IFT80: variants seen among roughly 807,000 people sequenced by gnomAD.
IFT80 encodes the protein intraflagellar transport 80.
A neutral mutation model predicts 107.9 loss-of-function variants in IFT80; 79 were observed. The observed-to-expected ratio is 0.73, with a 90% confidence interval of 0.61 to 0.88. The LOEUF is 0.88. Ranked by LOEUF, IFT80 falls within the 40% of genes least tolerant of loss-of-function variation. The pLI is 0.00. For missense variants in IFT80, 797 were observed against 914.2 expected (o/e 0.87, Z 1.65); for synonymous variants, 299 against 300.9 (o/e 0.99, Z 0.07).
chr3:160,373,768 G>T (rs908280711), intron 5 of IFT80: 1 of 152,740 alleles, frequency 6.5e-6, no homozygotes, highest in Non-Finnish European at 1.5e-5. Context: ...TCACAATAGG[G>T]TTTATGCTTC....
At chr3:160,262,419 CA>C (rs1019986001) in intron 19 of IFT80, among the ~76,000 whole-genome samples, 9 of 152,062 alleles carry the variant, frequency 5.9e-5, no homozygotes, top group South Asian at 2.1e-4. Context: ...TGTGGTGGCC[CA>C]AACATGGCTC....
Position 160,377,509 on chromosome 3 carries a change from T to A in IFT80, c.291A>T (p.Arg97Ser). ...GKFHLISKLG[R>S]VEKSVEAHCG... ...AGTGAGCTTCTACACTTTTTTCCAC[T>A]CTTCCTAACTTGGAAATCAGATGAA... is the stretch of plus-strand genomic sequence containing the variant. The change falls in exon 4 of 20, where the codon AGA becomes AGT. Residue 97 changes from arginine to serine, a missense_variant. Arg to Ser is a moderately radical substitution (Grantham distance 110). Coordinates refer to ENST00000326448, the MANE Select transcript of IFT80 (RefSeq NM_020800.3). The A allele has an allele frequency of 1.9e-6, 3 of 1,606,024 alleles. No homozygotes were observed. The highest frequency in any genetic ancestry group is 2.6e-6 in the Non-Finnish European group (3 of 1,174,966).
At chr3:160,324,256 G>T (rs2108305882) in intron 8 of IFT80, among the ~76,000 whole-genome samples, 1 of 152,192 alleles carries the variant, frequency 6.6e-6, no homozygotes, top group South Asian at 2.1e-4. Flanking sequence ...AGAAAAAGAG[G>T]GAATCCTTCC....
chr3:160,271,401 C>T (rs570723215), intron 18 of IFT80, among the ~76,000 whole-genome samples: 5 of 152,140 alleles, frequency 3.3e-5, no homozygotes, highest in South Asian at 2.1e-4. Context: ...TTGAATGAAG[C>T]GAAATCACTT....
At position 160,366,092 on chromosome 3, in the gene IFT80, C is replaced by T; in HGVS notation, c.500G>A (p.Gly167Asp). Residue 167 changes from glycine to aspartate, a missense_variant, in exon 6 of 20, where the codon GGC becomes GAC. Gly to Asp is a moderately conservative substitution (Grantham distance 94, BLOSUM62 -1). Transcript: ENST00000326448. The stretch of plus-strand genomic sequence containing the variant: ...AAGAGGTTTAATGATTAGCTGCTTG[C>T]CTGCTGTATAAAGAACCTTTTCTGA... ...PDSEKVLYTA[G>D]KQLIIKPLQP... 2 of 1,612,748 alleles carry T rather than the reference C, an allele frequency of 1.2e-6. No homozygotes were observed. The highest frequency in any genetic ancestry group is 1.7e-6 in the Non-Finnish European group (2 of 1,179,148).
intron 9 of IFT80, among the ~76,000 whole-genome samples, chr3:160,316,343 T>C (rs867853557): frequency 1.3e-5 from 2 of 152,170 alleles, no homozygotes; most frequent in Admixed American, 6.6e-5. Flanking sequence ...CTTTCCCCAG[T>C]TGAGCCTTCA....
At chr3:160,304,488 T>C (rs1576779769) in intron 10 of IFT80, among the ~76,000 whole-genome samples, 1 of 147,764 alleles carries the variant, frequency 6.8e-6, no homozygotes, top group East Asian at 2.0e-4. Context: ...CAGGCTGGAG[T>C]CCAGTGGCAC....
chr3:160,297,359 T>C (rs1716064026), intron 12 of IFT80, among the ~76,000 whole-genome samples: 1 of 152,054 alleles, frequency 6.6e-6, no homozygotes, highest in African/African-American at 2.4e-5. Flanking sequence ...TGACAGCATA[T>C]GAATAGGATT....
intron 5 of IFT80, among the ~76,000 whole-genome samples, chr3:160,370,348 T>C (rs1722147133): frequency 6.6e-6 from 1 of 152,086 alleles, no homozygotes; most frequent in Non-Finnish European, 1.5e-5. Flanking sequence ...ATTTGCTTAC[T>C]GTATTGTTCA....
intron 8 of IFT80, among the ~76,000 whole-genome samples, chr3:160,339,934 T>C (rs967742988): frequency 1.3e-5 from 2 of 152,158 alleles, no homozygotes; most frequent in African/African-American, 4.8e-5. Flanking sequence ...CAATTTGGTT[T>C]TTAGCTGTGG....
At chr3:160,264,100 C>T (rs913765122) in intron 19 of IFT80, among the ~76,000 whole-genome samples, 1 of 151,224 alleles carries the variant, frequency 6.6e-6, no homozygotes, top group African/African-American at 2.4e-5. Context: ...CTGCGCATAG[C>T]CAGGAATCAG....
rs1343380275 is a variant in IFT80, at chr3:160,386,775, T to C, written c.-46-2129A>G. Among the ~76,000 whole-genome samples, 3 of 152,168 alleles carry C rather than the reference T, an allele frequency of 2.0e-5. No homozygotes were observed. In the East Asian group the frequency reaches 5.8e-4, roughly 29 times the overall value. ...AAACTATTCTAAATACACCAGCCAG[T>C]AATTCTTTTAAAGCTAAGTCAGAAT... On this transcript the variant is annotated intron_variant, in intron 1 of 19. Coordinates refer to ENST00000326448, the MANE Select transcript of IFT80 (RefSeq NM_020800.3).
chr3:160,292,722 C>T (rs575835238), intron 12 of IFT80, among the ~76,000 whole-genome samples: 12 of 152,188 alleles, frequency 7.9e-5, no homozygotes, highest in Admixed American at 3.9e-4. Flanking sequence ...GTGATGCGCC[C>T]GCCTCGGCCT....
chr3:160,350,762 C>T (rs532564826), intron 8 of IFT80, among the ~76,000 whole-genome samples: 1 of 152,118 alleles, frequency 6.6e-6, no homozygotes, highest in African/African-American at 2.4e-5. Context: ...TTGCAGTGAG[C>T]CGAGATTGTG....
intron 8 of IFT80, among the ~76,000 whole-genome samples, chr3:160,331,799 A>G (rs980392747): frequency 6.6e-6 from 1 of 152,050 alleles, no homozygotes; most frequent in Non-Finnish European, 1.5e-5. Flanking sequence ...AGCTGGAACC[A>G]CAGGTGCATG....
intron 11 of IFT80, among the ~76,000 whole-genome samples, chr3:160,301,727 T>A: frequency 6.6e-6 from 1 of 151,934 alleles, no homozygotes; most frequent in African/African-American, 2.4e-5. Flanking sequence ...AAAACATAAA[T>A]ATTTTATGGC....
At chr3:160,357,298 T>C (rs1219733389) in intron 7 of IFT80, among the ~76,000 whole-genome samples, 191 bp downstream of exon 7, 3 of 152,174 alleles carry the variant, frequency 2.0e-5, no homozygotes, top group Non-Finnish European at 4.4e-5. Flanking sequence ...CCTCACTGTG[T>C]TGTCCAGGCT....
intron 18 of IFT80, among the ~76,000 whole-genome samples, chr3:160,273,895 A>G (rs889471419): frequency 6.6e-6 from 1 of 152,208 alleles, no homozygotes; most frequent in Non-Finnish European, 1.5e-5. Context: ...ATTAGGTAAA[A>G]GCAAGAAACA....
chr3:160,390,041 C>T (rs1158585908), intron 1 of IFT80, among the ~76,000 whole-genome samples: 1 of 152,076 alleles, frequency 6.6e-6, no homozygotes, highest in Non-Finnish European at 1.5e-5. Context: ...ATCAACTGTC[C>T]AGATACAGTA....
Sources: allele counts gnomAD v4.1 joint callset (sites outside exome capture counted in the v4.1 genomes callset), GRCh38; gene constraint gnomAD v4.1.1; transcripts MANE v1.5; gene names NCBI Gene and HGNC (gene_info 2026-07-23, HGNC 2026-07-21).